The following EXT1 variants were observed in gnomAD, a reference collection of about 807,000 sequenced individuals.
EXT1 encodes exostosin glycosyltransferase 1, also known as exostosin-1.
Under a neutral mutation model 82.5 loss-of-function variants are expected in EXT1, and 20 were observed. The ratio of observed to expected loss-of-function variants is 0.24; its 90% confidence interval spans 0.17 to 0.35. The LOEUF (loss-of-function observed/expected upper bound fraction) is 0.35. EXT1 is among the 10% of genes least tolerant of loss of function. The pLI is 1.00. For missense variants in EXT1, 757 were observed against 936.5 expected (o/e 0.81, Z 2.50); for synonymous variants, 348 against 350.8 (o/e 0.99, Z 0.09).
chr8:118,063,859 C>CTTAT (rs58524588), intron 1 of EXT1, among the ~76,000 whole-genome samples: 11,436 of 151,734 alleles, frequency 0.075, 1,349 homozygotes, highest in African/African-American at 0.25. Flanking sequence ...TATTTATTTA[C>CTTAT]TTATTTATTT....
intron 1 of EXT1, among the ~76,000 whole-genome samples, chr8:117,870,823 T>TCACACACACACACACA (rs59973422): frequency 0.038 from 5,595 of 146,762 alleles, 383 homozygotes; most frequent in African/African-American, 0.14. Context: ...AAATGCTTTG[T>TCACACACACACACACA]CACACACACA....
At chr8:117,973,936 A>AAGGAG in intron 1 of EXT1, among the ~76,000 whole-genome samples, 1 of 131,764 alleles carries the variant, frequency 7.6e-6, no homozygotes, top group African/African-American at 3.1e-5. Context: ...AAAGCAAGGA[A>AAGGAG]GGAAGGAAGG....
At chr8:117,908,352 G>A (rs1217213736) in intron 1 of EXT1, among the ~76,000 whole-genome samples, 1 of 152,146 alleles carries the variant, frequency 6.6e-6, no homozygotes, top group Non-Finnish European at 1.5e-5. Flanking sequence ...TAGAACTGCT[G>A]GTCATGGTGT....
intron 1 of EXT1, among the ~76,000 whole-genome samples, chr8:117,946,934 T>G (rs1225922880): frequency 6.6e-6 from 1 of 152,214 alleles, no homozygotes; most frequent in Non-Finnish European, 1.5e-5. Context: ...AAAACGTGGA[T>G]GGCTTTGAGG....
intron 1 of EXT1, among the ~76,000 whole-genome samples, chr8:118,019,374 T>C (rs1816060884): frequency 6.6e-6 from 1 of 152,204 alleles, no homozygotes; most frequent in Admixed American, 6.5e-5. Context: ...TGTGCTGTTG[T>C]ACTCAAAAAG....
chr8:117,806,005 C>G (rs373887948), intron 9 of EXT1, among the ~76,000 whole-genome samples: 2 of 152,182 alleles, frequency 1.3e-5, no homozygotes, highest in Admixed American at 6.5e-5. Context: ...TGTTGATCAG[C>G]CCTCTAATCT....
chr8:117,972,182 A>G (rs1437987996), intron 1 of EXT1, among the ~76,000 whole-genome samples: 1 of 151,846 alleles, frequency 6.6e-6, no homozygotes, highest in East Asian at 1.9e-4. Flanking sequence ...AAAAAAAAGA[A>G]AAATGAAAAA....
intron 4 of EXT1, among the ~76,000 whole-genome samples, chr8:117,825,190 C>A (rs1206972744): frequency 6.6e-6 from 1 of 152,080 alleles, no homozygotes; most frequent in South Asian, 2.1e-4. Context: ...TTCTGTAGGA[C>A]CTTGTCAAAG....
intron 3 of EXT1, among the ~76,000 whole-genome samples, chr8:117,832,617 G>A (rs937724429): frequency 2.0e-5 from 3 of 152,140 alleles, no homozygotes; most frequent in Non-Finnish European, 4.4e-5. Flanking sequence ...TATGAAAGGA[G>A]AAAAGGAATA....
In EXT1 at chr8:117,990,409, G is replaced by A. The variant is rs573839384; in HGVS notation, c.962+119676C>T. On this transcript the variant is annotated intron_variant, in intron 1 of 10. Coordinates refer to ENST00000378204, the MANE Select transcript of EXT1 (RefSeq NM_000127.3). ...AGAACCAGATTTCACAAAAAAAGTTGGAGAAGAAGGAAAAGCCAACTCAGC... is the reference window on the plus strand; with the variant it reads ...AGAACCAGATTTCACAAAAAAAGTTAGAGAAGAAGGAAAAGCCAACTCAGC... 3.9e-5 allele frequency among the ~76,000 whole-genome samples: 6 copies of A among 152,300 alleles called. No individual in the cohort carries two copies. In the East Asian group the frequency reaches 1.2e-3, roughly 29 times the overall value.
chr8:118,075,518 AAG>A (rs1453570542), intron 1 of EXT1, among the ~76,000 whole-genome samples: 1 of 152,218 alleles, frequency 6.6e-6, no homozygotes, highest in Non-Finnish European at 1.5e-5. Context: ...CTTTGGAAGA[AAG>A]AGTTATTATT....
intron 1 of EXT1, among the ~76,000 whole-genome samples, chr8:118,074,206 T>C (rs2129969525): frequency 6.6e-6 from 1 of 151,754 alleles, no homozygotes; most frequent in Non-Finnish European, 1.5e-5. Flanking sequence ...AATAGGAAAA[T>C]ATGCATTTTT....
At chr8:118,005,800 A>C (rs1815763420) in intron 1 of EXT1, among the ~76,000 whole-genome samples, 1 of 152,234 alleles carries the variant, frequency 6.6e-6, no homozygotes, top group African/African-American at 2.4e-5. Context: ...CATCCAGGAA[A>C]ATAACACACC....
intron 1 of EXT1, among the ~76,000 whole-genome samples, chr8:118,029,463 C>A (rs1195793900): frequency 6.6e-6 from 1 of 152,080 alleles, no homozygotes; most frequent in African/African-American, 2.4e-5. Flanking sequence ...AAGTAATCCT[C>A]TTTTAAGGGC....
intron 1 of EXT1, among the ~76,000 whole-genome samples, chr8:117,885,494 C>CAAAAAAAAAAAAAA (rs11300586): frequency 1.9e-5 from 2 of 103,416 alleles, no homozygotes; most frequent in Non-Finnish European, 3.9e-5. Flanking sequence ...AAGTAACAGA[C>CAAAAAAAAAAAAAA]AAAAAAAAAA....
At position 117,891,805 on chromosome 8, in the gene EXT1, C is replaced by CTTT. The variant is rs33967253; in HGVS notation, c.963-54607_963-54605dup. Among the ~76,000 whole-genome samples the CTTT allele has an allele frequency of 3.0e-3, 358 of 121,008 alleles. 11 individuals carry two copies. The highest frequency in any genetic ancestry group is 0.022 in the South Asian group (78 of 3,542). 79.4% of individuals were successfully genotyped at this position (121,008 alleles called of 152,430 possible). On this transcript the variant is annotated intron_variant, in intron 1 of 10. Coordinates refer to ENST00000378204, the MANE Select transcript of EXT1 (RefSeq NM_000127.3). ...GCAAGAAAGGTTTTCTTTTTTCTTG[C>CTTT]TTTTTTTTTTTTTTTTTTTGAGACG...
intron 8 of EXT1, among the ~76,000 whole-genome samples, chr8:117,811,583 A>C (rs1823324516): frequency 1.3e-5 from 2 of 150,354 alleles, no homozygotes. Context: ...CATCTATGCA[A>C]CTCTATCTGA....
At chr8:118,091,509 C>G (rs970631424) in intron 1 of EXT1, among the ~76,000 whole-genome samples, 3 of 151,954 alleles carry the variant, frequency 2.0e-5, no homozygotes, top group African/African-American at 7.3e-5. Context: ...GAGGCCGAGG[C>G]GGGCGGATCA....
chr8:117,796,353 T>G lies in EXT1; in HGVS notation c.*3359A>C, dbSNP rs1328728276. The stretch of plus-strand genomic sequence containing the variant: ...TAAACAGGTTTGTTCTTAAATCAAG[T>G]GCCCTGTTTTTTTTTTTTTTAATTA... On this transcript the variant is annotated 3_prime_UTR_variant, in exon 11 of 11. Coordinates refer to ENST00000378204, the MANE Select transcript of EXT1 (RefSeq NM_000127.3). 6.9e-6 allele frequency: 1 copy of G among 145,042 alleles called. No homozygotes were observed. Among genetic ancestry groups the G allele is most frequent in the Non-Finnish European group, 1.5e-5 (1 of 65,618 alleles). 9.0% of individuals were successfully genotyped at this position (145,042 alleles called of 1,614,324 possible).
Sources: gnomAD v4.1 joint callset for allele counts (sites outside exome capture counted in the v4.1 genomes callset) on GRCh38, gnomAD v4.1.1 for gene constraint, MANE v1.5 for transcripts, NCBI Gene and HGNC (gene_info 2026-07-23, HGNC 2026-07-21) for gene names.